LEKR1: variants seen among roughly 807,000 people sequenced by gnomAD.
LEKR1 encodes leucine, glutamate and lysine rich 1, also known as protein LEKR1.
LEKR1 carries 59 observed loss-of-function variants against 72.4 expected under a neutral mutation model. The ratio of observed to expected loss-of-function variants is 0.82; its 90% CI spans 0.66 to 1.01. The LOEUF (loss-of-function observed/expected upper bound fraction) is 1.01, where lower values mean the gene tolerates loss of function less well. LEKR1 is among the 50% of genes least tolerant of loss of function. LEKR1 has a pLI of 0.00. For synonymous variants in LEKR1, 257 were observed against 263.2 expected (o/e 0.98, Z 0.23); for missense variants, 728 against 759.2 (o/e 0.96, Z 0.48).
At chr3:156,948,299 A>G (rs1265564849) in intron 6 of LEKR1, among the ~76,000 whole-genome samples, 1 of 151,034 alleles carries the variant, frequency 6.6e-6, no homozygotes, top group Non-Finnish European at 1.5e-5. Context: ...TCCTATTTCA[A>G]TTTTTGTTGA....
chr3:157,000,833 A>G (rs1044508829), intron 9 of LEKR1, among the ~76,000 whole-genome samples: 1 of 152,232 alleles, frequency 6.6e-6, no homozygotes, highest in Non-Finnish European at 1.5e-5. Flanking sequence ...TGTAATTCCC[A>G]TAATCTCCAG....
intron 2 of LEKR1, among the ~76,000 whole-genome samples, chr3:156,841,050 A>T (rs1283086292): frequency 1.3e-5 from 2 of 152,250 alleles, no homozygotes; most frequent in Admixed American, 6.5e-5. Flanking sequence ...GACATGATAA[A>T]AAATAGCTCT....
intron 6 of LEKR1, among the ~76,000 whole-genome samples, chr3:156,963,343 A>T (rs930567997): frequency 2.0e-5 from 3 of 151,862 alleles, no homozygotes; most frequent in East Asian, 1.9e-4. Flanking sequence ...ACGTGGGCAC[A>T]CTCCTCCCTA....
chr3:156,830,799 C>G (rs1032141524), intron 2 of LEKR1, among the ~76,000 whole-genome samples: 35 of 151,892 alleles, frequency 2.3e-4, no homozygotes, highest in African/African-American at 7.7e-4. Flanking sequence ...TTAATGCCAG[C>G]AAAGGATGGT....
intron 3 of LEKR1, among the ~76,000 whole-genome samples, chr3:156,885,004 G>T (rs891759792): frequency 3.3e-5 from 5 of 152,052 alleles, no homozygotes; most frequent in African/African-American, 9.7e-5. Flanking sequence ...GTCTTTGTCA[G>T]ATTGGGTTAA....
intron 2 of LEKR1, among the ~76,000 whole-genome samples, chr3:156,841,501 A>G (rs1179718338): frequency 6.6e-6 from 1 of 152,166 alleles, no homozygotes; most frequent in African/African-American, 2.4e-5. Context: ...AGAAGTGGGG[A>G]CACCAAAAGA....
chr3:156,842,142 T>C (rs536093680), intron 2 of LEKR1, among the ~76,000 whole-genome samples: 70 of 152,280 alleles, frequency 4.6e-4, no homozygotes, highest in African/African-American at 1.6e-3. Flanking sequence ...ACAAAATCAG[T>C]CTCTGGTGCC....
intron 7 of LEKR1, among the ~76,000 whole-genome samples, chr3:156,984,020 A>G (rs1395593523): frequency 1.3e-5 from 2 of 152,210 alleles, no homozygotes; most frequent in East Asian, 1.9e-4. Flanking sequence ...TAGAATAAGT[A>G]TAACTGATAT....
intron 9 of LEKR1, among the ~76,000 whole-genome samples, chr3:156,999,664 T>G (rs749455049): frequency 1.3e-5 from 2 of 152,088 alleles, no homozygotes; most frequent in African/African-American, 2.4e-5. Context: ...GTTTGCCATC[T>G]CTCCTTACCA....
chr3:157,036,469 A>T (rs1458931529), intron 12 of LEKR1, among the ~76,000 whole-genome samples: 1 of 152,314 alleles, frequency 6.6e-6, no homozygotes, highest in South Asian at 2.1e-4. Flanking sequence ...CTAGAATTCT[A>T]TATCCTGCCA....
At chr3:156,982,855 G>T (rs1038315650) in intron 7 of LEKR1, among the ~76,000 whole-genome samples, 1 of 139,998 alleles carries the variant, frequency 7.1e-6, no homozygotes, top group Non-Finnish European at 1.5e-5. Flanking sequence ...GTGTGTGTGT[G>T]TAGATAGATA....
At chr3:156,915,184 T>G (rs900733715) in intron 3 of LEKR1, among the ~76,000 whole-genome samples, 1 of 152,194 alleles carries the variant, frequency 6.6e-6, no homozygotes, top group Non-Finnish European at 1.5e-5. Context: ...TTTTGTGTCT[T>G]TGATATTGTG....
intron 3 of LEKR1, among the ~76,000 whole-genome samples, chr3:156,899,360 A>G (rs1425657883): frequency 7.7e-6 from 1 of 129,252 alleles, no homozygotes; most frequent in Non-Finnish European, 1.6e-5. Flanking sequence ...ACATGTATAT[A>G]TACATATATA....
chr3:156,910,540 A>C (rs1378831071), intron 3 of LEKR1, among the ~76,000 whole-genome samples: 1 of 152,216 alleles, frequency 6.6e-6, no homozygotes, highest in African/African-American at 2.4e-5. Flanking sequence ...ATTTGTACCC[A>C]AAACCTCAGC....
chr3:156,937,564 G>A (rs1725829928), intron 5 of LEKR1, among the ~76,000 whole-genome samples: 1 of 152,120 alleles, frequency 6.6e-6, no homozygotes, highest in South Asian at 2.1e-4. Context: ...CAGCACTGCT[G>A]GTAGGAATAT....
chr3:156,954,982 C>T lies in LEKR1; in HGVS notation c.745+12268C>T, dbSNP rs2107978837. ...TTTAAATAATGTTGATTCTTCCTATCCATGAGCATGGAATGTTTTTCCATT... is the reference window on the plus strand; with the variant it reads ...TTTAAATAATGTTGATTCTTCCTATTCATGAGCATGGAATGTTTTTCCATT... On this transcript the variant is annotated intron_variant, in intron 6 of 12. Transcript: ENST00000356539. Among the ~76,000 whole-genome samples, 3 of 152,154 alleles carry T rather than the reference C, an allele frequency of 2.0e-5. No homozygotes were observed. The South Asian group carries it at 6.2e-4, about 32-fold the overall frequency.
chr3:156,852,763 C>G lies in LEKR1; in HGVS notation c.49-5C>G. Reference sequence around the variant, plus strand: ...AATTTGGTAAGTGTATGTTCTGTTTCCTAGATGTTGCCTGAAGAAAAAGTT... The same window carrying G: ...AATTTGGTAAGTGTATGTTCTGTTTGCTAGATGTTGCCTGAAGAAAAAGTT... On this transcript the variant is annotated splice_polypyrimidine_tract_variant and splice_region_variant and intron_variant, in intron 2 of 12. Coordinates refer to ENST00000356539, the MANE Select transcript of LEKR1 (RefSeq NM_001004316.3). 1 of 1,485,648 alleles carries G rather than the reference C, an allele frequency of 6.7e-7. No homozygotes were observed. The highest frequency in any genetic ancestry group is 9.0e-7 in the Non-Finnish European group (1 of 1,113,026). The allele number at this position is 1,485,648 out of a possible 1,614,324, so 92.0% of individuals were successfully genotyped here. A position where few individuals can be genotyped will look rare whatever the true frequency, so the allele number is the denominator to read the frequency against.
At chr3:156,946,635 G>A (rs762375448) in intron 6 of LEKR1, among the ~76,000 whole-genome samples, 7 of 151,264 alleles carry the variant, frequency 4.6e-5, no homozygotes, top group African/African-American at 9.7e-5. Context: ...GTTTTTTCAG[G>A]GTTCTTATCA....
In LEKR1 at chr3:156,928,641, G is replaced by A. The variant is rs1290213012; in HGVS notation, c.559+1037G>A. On this transcript the variant is annotated intron_variant, in intron 5 of 12. Coordinates refer to ENST00000356539, the MANE Select transcript of LEKR1 (RefSeq NM_001004316.3). ...AACCTCAGCCTCTGAGAAGTAAGGG[G>A]ATATCCCAGAGAAGTGAAAGCCAGA... Among the ~76,000 whole-genome samples the A allele has an allele frequency of 2.0e-5, 3 of 152,010 alleles. 1 individual carries two copies. Among genetic ancestry groups the A allele is most frequent in the Admixed American group, 6.6e-5 (1 of 15,250 alleles).
Sources: allele counts gnomAD v4.1 joint callset (sites outside exome capture counted in the v4.1 genomes callset), GRCh38; gene constraint gnomAD v4.1.1; transcripts MANE v1.5; gene names NCBI Gene and HGNC (gene_info 2026-07-23, HGNC 2026-07-21).